Variants in ZNF486 observed in about 807,000 individuals in gnomAD.
The protein encoded by ZNF486 is KRAB box only protein 2.
In ZNF486, 12 loss-of-function variants were observed where a neutral mutation model predicts 12.8. The ratio of observed to expected loss-of-function variants is 0.94; its 90% confidence interval spans 0.60 to 1.52. ZNF486 has a LOEUF of 1.52. ZNF486 is among the 40% of genes most tolerant of loss of function. The probability of loss-of-function intolerance (pLI) is 0.00; values close to 1 mark genes in which losing one functional copy is unlikely to be tolerated. For missense variants in ZNF486, 738 were observed against 545.0 expected (o/e 1.35, Z -3.53); for synonymous variants, 231 against 184.9 (o/e 1.25, Z -2.02).
rs933275883 is a variant in ZNF486, at chr19:20,188,309, C to G, written c.253+2227C>G. ...GTAATTTTCAAAAAGATTTATAATT[C>G]TGGATTTTTTTTCAGTTTTTCTTTA... On this transcript the variant is annotated intron_variant, in intron 3 of 3. Coordinates refer to ENST00000335117, the MANE Select transcript of ZNF486 (RefSeq NM_052852.4). 53 of 395,840 alleles carry G rather than the reference C, an allele frequency of 1.3e-4. 1 individual carries two copies. Among genetic ancestry groups the G allele is most frequent in the African/African-American group, 7.2e-4 (35 of 48,536 alleles). 24.5% of individuals were successfully genotyped at this position (395,840 alleles called of 1,614,324 possible). A position where few individuals can be genotyped will look rare whatever the true frequency, so the allele number is the denominator to read the frequency against.
At chr19:20,196,470 A>G (rs1185915283) in intron 3 of ZNF486, among the ~76,000 whole-genome samples, 3 of 152,214 alleles carry the variant, frequency 2.0e-5, no homozygotes, top group African/African-American at 7.2e-5. Flanking sequence ...TTGGAATTAC[A>G]GCGGCCCATG....
At chr19:20,171,404 A>C (rs1555713865) in intron 1 of ZNF486, among the ~76,000 whole-genome samples, 1 of 151,934 alleles carries the variant, frequency 6.6e-6, no homozygotes, top group East Asian at 1.9e-4. Context: ...ACGTGTCCAC[A>C]CTCCTCCCAG....
At chr19:20,196,872 A>G (rs2089963254) in intron 3 of ZNF486, 92 bp from the exon 4 acceptor site, 2 of 1,421,736 alleles carry the variant, frequency 1.4e-6, no homozygotes, top group African/African-American at 2.9e-5. Flanking sequence ...CATCTTGCTT[A>G]TGTAGTTTGT....
chr19:20,167,959 C>G (rs536338458), intron 1 of ZNF486, among the ~76,000 whole-genome samples: 3 of 152,260 alleles, frequency 2.0e-5, no homozygotes, highest in African/African-American at 7.2e-5. Flanking sequence ...CTCGTTTATC[C>G]TATTTGGAAA....
rs371616584 is a variant in ZNF486, at chr19:20,167,363, G to A, written c.30+3G>A. The A allele has an allele frequency of 6.2e-6, 10 of 1,613,642 alleles. No homozygotes were observed. Among genetic ancestry groups the A allele is most frequent in the Non-Finnish European group, 8.5e-6 (10 of 1,179,688 alleles). On this transcript the variant is annotated splice_donor_region_variant and intron_variant, in intron 1 of 3. Transcript: ENST00000335117. The stretch of plus-strand genomic sequence containing the variant: ...GACCCCTTAGAAGCCTAGAAATGGT[G>A]AGAGTGCCCATTGGACATCCTGAGA...
At chr19:20,192,567 C>T (rs1286246329) in intron 3 of ZNF486, among the ~76,000 whole-genome samples, 1 of 152,194 alleles carries the variant, frequency 6.6e-6, no homozygotes, top group Non-Finnish European at 1.5e-5. Context: ...CTCTGCCTCC[C>T]AAAGTGCTGG....
At chr19:20,181,772 C>T (rs7258078) in intron 1 of ZNF486, among the ~76,000 whole-genome samples, 8,057 of 149,308 alleles carry the variant, frequency 0.054, 758 homozygotes, top group African/African-American at 0.19. Flanking sequence ...CTATATTTTG[C>T]TTTTACAGTG....
intron 3 of ZNF486, among the ~76,000 whole-genome samples, chr19:20,186,962 T>G (rs1003793357): frequency 2.0e-5 from 3 of 151,472 alleles, no homozygotes; most frequent in African/African-American, 7.3e-5. Flanking sequence ...TTTTTTGTAT[T>G]TTTTGTAGAG....
At chr19:20,195,520 C>T (rs1555717770) in intron 3 of ZNF486, among the ~76,000 whole-genome samples, 2 of 152,016 alleles carry the variant, frequency 1.3e-5, no homozygotes, top group African/African-American at 4.8e-5. Flanking sequence ...TTTATGGTTG[C>T]TTTTGAAAAG....
intron 3 of ZNF486, among the ~76,000 whole-genome samples, chr19:20,194,449 G>A (rs911744164): frequency 1.3e-5 from 2 of 152,118 alleles, no homozygotes; most frequent in East Asian, 1.9e-4. Flanking sequence ...CACTGGTGCC[G>A]GTTGTGGTGG....
intron 1 of ZNF486, among the ~76,000 whole-genome samples, chr19:20,173,124 A>G (rs2089668128): frequency 6.6e-6 from 1 of 152,170 alleles, no homozygotes; most frequent in African/African-American, 2.4e-5. Context: ...TAGCTTCCTC[A>G]TGAAGTCTTT....
chr19:20,185,502 C>G (rs1332399476), intron 2 of ZNF486, among the ~76,000 whole-genome samples: 2 of 148,034 alleles, frequency 1.4e-5, no homozygotes, highest in African/African-American at 5.1e-5. Flanking sequence ...CCTCTGCCTC[C>G]TGGGTTCAAG....
At chr19:20,196,328 TA>T (rs1385541416) in intron 3 of ZNF486, among the ~76,000 whole-genome samples, 3 of 152,056 alleles carry the variant, frequency 2.0e-5, no homozygotes, top group Non-Finnish European at 4.4e-5. Context: ...CAATTTACTT[TA>T]AAAAAAAATT....
chr19:20,185,561 G>A (rs1221238122), intron 2 of ZNF486, among the ~76,000 whole-genome samples: 1 of 151,224 alleles, frequency 6.6e-6, no homozygotes, highest in African/African-American at 2.4e-5. Context: ...CTACAGGCAC[G>A]TGCCGCTGCA....
chr19:20,193,247 T>G (rs1343801090), intron 3 of ZNF486, among the ~76,000 whole-genome samples: 1 of 152,018 alleles, frequency 6.6e-6, no homozygotes, highest in Non-Finnish European at 1.5e-5. Flanking sequence ...TTATGCAGAT[T>G]TACATATTTC....
intron 1 of ZNF486, among the ~76,000 whole-genome samples, chr19:20,169,072 CT>C (rs1479190648): frequency 6.6e-6 from 1 of 151,750 alleles, no homozygotes; most frequent in East Asian, 2.0e-4. Context: ...AACTCCTGAC[CT>C]TGTGATCCGC....
intron 3 of ZNF486, among the ~76,000 whole-genome samples, chr19:20,191,809 A>C (rs922465433): frequency 6.6e-6 from 1 of 152,090 alleles, no homozygotes; most frequent in African/African-American, 2.4e-5. Context: ...ATGCAGTCTC[A>C]AGTATTCCTC....
At chr19:20,170,596 C>G (rs1324695833) in intron 1 of ZNF486, among the ~76,000 whole-genome samples, 30 of 151,816 alleles carry the variant, frequency 2.0e-4, no homozygotes, top group Admixed American at 2.0e-3. Context: ...AGAAATTTGA[C>G]CACTGAAGAC....
At chr19:20,195,888 C>T (rs1028508575) in intron 3 of ZNF486, among the ~76,000 whole-genome samples, 5 of 152,158 alleles carry the variant, frequency 3.3e-5, no homozygotes, top group Non-Finnish European at 7.3e-5. Context: ...TGTATATCAC[C>T]ATTTTTTTTT....
Sources: allele counts gnomAD v4.1 joint callset (sites outside exome capture counted in the v4.1 genomes callset), GRCh38; gene constraint gnomAD v4.1.1; transcripts MANE v1.5; gene names NCBI Gene and HGNC (gene_info 2026-07-23, HGNC 2026-07-21).